Variants in HTR4 observed in about 807,000 individuals in gnomAD.
The protein encoded by HTR4 is 5-hydroxytryptamine (serotonin) receptor 4, G protein-coupled.
A neutral mutation model predicts 36.8 loss-of-function variants in HTR4; 16 were observed. The ratio of observed to expected loss-of-function variants is 0.43; its 90% CI spans 0.29 to 0.66. HTR4 has a LOEUF of 0.66. Ranked by LOEUF, HTR4 falls within the 30% of genes least tolerant of loss-of-function variation. HTR4 has a pLI of 0.13. For synonymous variants in HTR4, 189 were observed against 185.1 expected (o/e 1.02, Z -0.17); for missense variants, 438 against 490.9 (o/e 0.89, Z 1.02).
At chr5:148,464,819 A>G (rs1755381050) in intron 5 of HTR4, among the ~76,000 whole-genome samples, 1 of 152,170 alleles carries the variant, frequency 6.6e-6, no homozygotes, top group South Asian at 2.1e-4. Context: ...TAAAACTGGA[A>G]AGCAACCGAG....
At chr5:148,562,377 A>C (rs757562445) in intron 2 of HTR4, among the ~76,000 whole-genome samples, 1 of 152,110 alleles carries the variant, frequency 6.6e-6, no homozygotes, top group Non-Finnish European at 1.5e-5. Context: ...AAAGGAGCCT[A>C]TTTACTGGGA....
chr5:148,517,097 G>T (rs1422213144), intron 5 of HTR4, among the ~76,000 whole-genome samples: 2 of 152,136 alleles, frequency 1.3e-5, no homozygotes, highest in Admixed American at 6.5e-5. Flanking sequence ...AATTCAGTAT[G>T]TTTTATTTAG....
chr5:148,490,910 A>T, intron 6 of HTR4: 1 of 448,022 alleles, frequency 2.2e-6, no homozygotes, highest in Non-Finnish European at 4.4e-6. Context: ...CAGCATCCCC[A>T]GTTCCTTCTA....
chr5:148,625,675 G>A (rs930083223), intron 2 of HTR4, among the ~76,000 whole-genome samples: 1 of 152,094 alleles, frequency 6.6e-6, no homozygotes, highest in African/African-American at 2.4e-5. Flanking sequence ...CTGCCTCCCG[G>A]GTTCAAGCGA....
chr5:148,500,077 ACAC>A (rs1756868338), intron 6 of HTR4, among the ~76,000 whole-genome samples: 1 of 152,154 alleles, frequency 6.6e-6, no homozygotes, highest in Non-Finnish European at 1.5e-5. Flanking sequence ...ATTTATAGCA[ACAC>A]AAAATGGGCC....
chr5:148,453,601 A>C lies in HTR4; in HGVS notation c.1077-2329T>G, dbSNP rs10068025. Among the ~76,000 whole-genome samples the C allele has an allele frequency of 7.8e-3, 1,191 of 152,248 alleles. 16 individuals are homozygous for C. Among genetic ancestry groups the C allele is most frequent in the African/African-American group, 0.027 (1,135 of 41,542 alleles). ...CGATCCTGCCTGGCATATCTGAAGA[A>C]CCTCAAGGATGCAGCTGGTTGAGGC... On this transcript the variant is annotated intron_variant, in intron 5 of 5. Transcript: ENST00000521530.
At chr5:148,547,392 G>A (rs1430859727) in intron 4 of HTR4, among the ~76,000 whole-genome samples, 2 of 151,970 alleles carry the variant, frequency 1.3e-5, no homozygotes, top group African/African-American at 4.8e-5. Flanking sequence ...GGTGGCGGGC[G>A]CTTGTAGTCC....
intron 2 of HTR4, among the ~76,000 whole-genome samples, chr5:148,560,410 T>A (rs1760153216): frequency 6.6e-6 from 1 of 152,126 alleles, no homozygotes; most frequent in South Asian, 2.1e-4. Context: ...AATTTTACAT[T>A]TTTAGCAAGT....
intron 6 of HTR4, among the ~76,000 whole-genome samples, chr5:148,487,432 AG>A (rs1756215820): frequency 6.6e-6 from 1 of 152,132 alleles, no homozygotes; most frequent in South Asian, 2.1e-4. Flanking sequence ...GAGGAGGAGG[AG>A]GAGGAGAATC....
At chr5:148,567,490 T>C (rs1760494258) in intron 2 of HTR4, among the ~76,000 whole-genome samples, 1 of 152,162 alleles carries the variant, frequency 6.6e-6, no homozygotes, top group African/African-American at 2.4e-5. Flanking sequence ...TCCCAGCTCA[T>C]GCAGAATATC....
intron 6 of HTR4, among the ~76,000 whole-genome samples, chr5:148,495,122 C>A (rs1002723924): frequency 2.6e-5 from 4 of 152,184 alleles, no homozygotes; most frequent in African/African-American, 9.7e-5. Flanking sequence ...GGTGAGAGAG[C>A]AGGGAAACCC....
At chr5:148,452,505 G>A (rs934621753) in intron 5 of HTR4, among the ~76,000 whole-genome samples, 7 of 152,190 alleles carry the variant, frequency 4.6e-5, no homozygotes, top group South Asian at 4.1e-4. Context: ...GGTAGGGACC[G>A]GGGATGCTGA....
In HTR4 at chr5:148,453,441, T is replaced by A. The variant is rs922545171; in HGVS notation, c.1077-2169A>T. Among the ~76,000 whole-genome samples the A allele has an allele frequency of 3.3e-5, 5 of 152,228 alleles. No homozygotes were observed. In the East Asian group the frequency reaches 7.7e-4, roughly 23 times the overall value. ...TAGTTAGCAATATTTTATGTTAAAA[T>A]GGTGTTTAAATACTCAGGCCGTTTC... On this transcript the variant is annotated intron_variant, in intron 5 of 5. Coordinates refer to the HTR4 transcript ENST00000521530.
At chr5:148,557,123 A>G (rs1237632593) in intron 2 of HTR4, among the ~76,000 whole-genome samples, 1 of 152,110 alleles carries the variant, frequency 6.6e-6, no homozygotes, top group Admixed American at 6.5e-5. Flanking sequence ...TTTATGTTCT[A>G]TTGGAAGATC....
chr5:148,533,115 A>G (rs1561601923), intron 4 of HTR4, among the ~76,000 whole-genome samples: 1 of 152,254 alleles, frequency 6.6e-6, no homozygotes, highest in African/African-American at 2.4e-5. Flanking sequence ...TGCTAGGTAG[A>G]CAGTGTTTAA....
chr5:148,619,908 A>C (rs1467197487), intron 2 of HTR4, among the ~76,000 whole-genome samples: 1 of 152,242 alleles, frequency 6.6e-6, no homozygotes. Context: ...GGCAATTGAT[A>C]ATATAAAAAA....
chr5:148,595,989 C>G (rs576309300), intron 2 of HTR4, among the ~76,000 whole-genome samples: 2 of 152,312 alleles, frequency 1.3e-5, no homozygotes, highest in African/African-American at 4.8e-5. Flanking sequence ...CAATCAGCAT[C>G]CCACGGACTT....
At chr5:148,476,549 C>A (rs1467471491), downstream of HTR4, 3 of 1,413,436 alleles carry the variant, frequency 2.1e-6, no homozygotes, top group African/African-American at 4.4e-5. Flanking sequence ...GGCAGAGCAG[C>A]ACTGAGATTT....
Position 148,508,536 on chromosome 5 carries a change from G to A in HTR4, c.1076+920C>T, listed in dbSNP as rs150037503. Among the ~76,000 whole-genome samples, 1,274 of 152,150 alleles carry A rather than the reference G, an allele frequency of 8.4e-3. 10 individuals are homozygous for A. The highest frequency in any genetic ancestry group is 0.013 in the Non-Finnish European group (897 of 67,982). On this transcript the variant is annotated intron_variant, in intron 6 of 6. Coordinates refer to ENST00000377888, the MANE Select transcript of HTR4 (RefSeq NM_000870.7). ...TATATTTCATTTCCTTCCTTGTACT[G>A]TTCTATCTGCCTGAAATGGCTTCCC...
Sources: gnomAD v4.1 joint callset for allele counts (sites outside exome capture counted in the v4.1 genomes callset) on GRCh38, gnomAD v4.1.1 for gene constraint, MANE v1.5 for transcripts, NCBI Gene and HGNC (gene_info 2026-07-23, HGNC 2026-07-21) for gene names.